Variants in ZFHX3 observed in about 807,000 individuals in gnomAD.
The protein encoded by ZFHX3 is zinc finger homeobox 3, also known as zinc finger homeobox protein 3.
In ZFHX3, 42 loss-of-function variants were observed where a neutral mutation model predicts 279.1. That is an observed-to-expected ratio of 0.15 (90% CI 0.12 to 0.19). ZFHX3 has a LOEUF of 0.19. ZFHX3 is among the 10% of genes least tolerant of loss of function. The probability of loss-of-function intolerance (pLI) is 1.00; values close to 1 mark genes in which losing one functional copy is unlikely to be tolerated. For missense variants in ZFHX3, 4,981 were observed against 4,754.0 expected (o/e 1.05, Z -1.40); for synonymous variants, 2,293 against 1,957.8 (o/e 1.17, Z -4.52).
At chr16:73,338,169 C>A (rs977185297) in intron 3 of ZFHX3, among the ~76,000 whole-genome samples, 1 of 152,168 alleles carries the variant, frequency 6.6e-6, no homozygotes, top group Non-Finnish European at 1.5e-5. Flanking sequence ...CCTGACCTCA[C>A]TTTAAATGTA....
chr16:73,608,903 T>A (rs1157012207), intron 2 of ZFHX3: 1 of 152,252 alleles, frequency 6.6e-6, no homozygotes, highest in African/African-American at 2.4e-5. Flanking sequence ...ACCACTGAGT[T>A]ATTAGCATTT....
Position 72,950,796 on chromosome 16 carries a change from C to G in ZFHX3, c.2889G>C (p.Leu963=). The change falls in exon 3 of 10, where the codon CTG becomes CTC. Residue 963 remains leucine, a synonymous_variant. Transcript: ENST00000268489. ...FTTDNLDMLG[L]HMNVERSLSE... ...ACAGGCTGCGCTCCACGTTCATGTG[C>G]AGGCCCAGCATGTCCAGGTTGTCCG... The G allele has an allele frequency of 6.2e-7, 1 of 1,614,214 alleles. No individual in the cohort carries two copies. Among genetic ancestry groups the G allele is most frequent in the Non-Finnish European group, 8.5e-7 (1 of 1,180,040 alleles).
chr16:73,496,132 T>C (rs1462476808), intron 2 of ZFHX3, among the ~76,000 whole-genome samples: 3 of 152,150 alleles, frequency 2.0e-5, no homozygotes, highest in African/African-American at 7.2e-5. Context: ...ATCCATAAAC[T>C]CCCAAGGAGC....
intron 2 of ZFHX3, among the ~76,000 whole-genome samples, chr16:73,605,132 C>CT: frequency 6.6e-6 from 1 of 152,148 alleles, no homozygotes; most frequent in Non-Finnish European, 1.5e-5. Context: ...GAGTTTCATC[C>CT]TAAGAAACAT....
chr16:73,856,451 A>T (rs1009560302), intron 1 of ZFHX3, among the ~76,000 whole-genome samples: 5 of 152,198 alleles, frequency 3.3e-5, no homozygotes, highest in Non-Finnish European at 7.3e-5. Context: ...GGGGGAAAAA[A>T]ATTCTTTCTT....
intron 1 of ZFHX3, among the ~76,000 whole-genome samples, chr16:73,000,582 TTC>T (rs1180493168): frequency 2.0e-5 from 3 of 152,174 alleles, no homozygotes; most frequent in Non-Finnish European, 4.4e-5. Flanking sequence ...CAGGAAGCTT[TTC>T]TGTCTCGACC....
chr16:73,394,099 A>T (rs1240784325), intron 3 of ZFHX3, among the ~76,000 whole-genome samples: 19 of 150,758 alleles, frequency 1.3e-4, no homozygotes, highest in Admixed American at 1.3e-3. Context: ...CCATCAATTG[A>T]TTTCACCACC....
At chr16:73,154,494 T>C (rs528544283) in intron 5 of ZFHX3, among the ~76,000 whole-genome samples, 161 of 152,198 alleles carry the variant, frequency 1.1e-3, no homozygotes, top group African/African-American at 3.6e-3. Context: ...TGTCACTCAG[T>C]CTCCCCCAAG....
intron 3 of ZFHX3, among the ~76,000 whole-genome samples, chr16:73,356,528 A>G (rs557294602): frequency 1.3e-5 from 2 of 152,116 alleles, no homozygotes; most frequent in East Asian, 3.9e-4. Flanking sequence ...GCCTTGTTCT[A>G]CATGCTAAAG....
At chr16:73,501,957 AT>A (rs61531218) in intron 2 of ZFHX3, among the ~76,000 whole-genome samples, 2 of 151,636 alleles carry the variant, frequency 1.3e-5, no homozygotes, top group African/African-American at 4.9e-5. Context: ...GAGGATTTTT[AT>A]TTTTTTTAAA....
intron 4 of ZFHX3, among the ~76,000 whole-genome samples, chr16:72,880,314 T>A (rs1420113328): frequency 6.6e-6 from 1 of 152,142 alleles, no homozygotes; most frequent in African/African-American, 2.4e-5. Context: ...TAGGTTGAAG[T>A]CCCAACCTCC....
At chr16:72,819,775 C>G (rs1010380417) in intron 5 of ZFHX3, among the ~76,000 whole-genome samples, 2 of 152,222 alleles carry the variant, frequency 1.3e-5, no homozygotes, top group Non-Finnish European at 2.9e-5. Context: ...AAAACACCCT[C>G]AGGCCACCTG....
At chr16:72,909,087 G>A (rs765421660) in intron 3 of ZFHX3, among the ~76,000 whole-genome samples, 24 of 152,232 alleles carry the variant, frequency 1.6e-4, no homozygotes, top group Admixed American at 1.3e-4. Flanking sequence ...AAATTCTTAC[G>A]ATCACAGAAA....
chr16:73,305,876 C>CAT (rs2015169621), intron 4 of ZFHX3, among the ~76,000 whole-genome samples: 1 of 152,190 alleles, frequency 6.6e-6, no homozygotes, highest in African/African-American at 2.4e-5. Flanking sequence ...AGGAAAAGCA[C>CAT]ATAGGCCTAG....
intron 3 of ZFHX3, among the ~76,000 whole-genome samples, chr16:73,378,264 T>C (rs938390862): frequency 1.3e-5 from 2 of 152,146 alleles, no homozygotes; most frequent in African/African-American, 4.8e-5. Flanking sequence ...AAAATCTTTT[T>C]GCATTTCAGG....
At chr16:73,477,207 G>A (rs990707096) in intron 2 of ZFHX3, among the ~76,000 whole-genome samples, 4 of 152,128 alleles carry the variant, frequency 2.6e-5, no homozygotes, top group Non-Finnish European at 5.9e-5. Flanking sequence ...AATAACTACC[G>A]ATTTTTAAAA....
intron 2 of ZFHX3, among the ~76,000 whole-genome samples, chr16:73,578,862 C>G (rs2051827684): frequency 6.6e-6 from 1 of 152,038 alleles, no homozygotes; most frequent in Admixed American, 6.6e-5. Flanking sequence ...TCTATGTAAA[C>G]CAAAAAACAA....
At chr16:73,385,633 G>C (rs750367150) in intron 3 of ZFHX3, among the ~76,000 whole-genome samples, 3 of 152,374 alleles carry the variant, frequency 2.0e-5, no homozygotes, top group Middle Eastern at 3.4e-3. Context: ...GACACACACA[G>C]AGAGGAAGTG....
intron 3 of ZFHX3, among the ~76,000 whole-genome samples, chr16:73,395,245 A>G (rs1476325577): frequency 6.6e-6 from 1 of 152,104 alleles, no homozygotes; most frequent in East Asian, 1.9e-4. Context: ...CAGGTGGATC[A>G]CCTCTGTCAG....
Sources: allele counts gnomAD v4.1 joint callset (sites outside exome capture counted in the v4.1 genomes callset), GRCh38; gene constraint gnomAD v4.1.1; transcripts MANE v1.5; gene names NCBI Gene and HGNC (gene_info 2026-07-23, HGNC 2026-07-21).